Variants in AMDHD2 observed in about 807,000 individuals in gnomAD.
AMDHD2 encodes the protein N-acetylglucosamine-6-phosphate deacetylase.
Under a neutral mutation model 41.8 loss-of-function variants are expected in AMDHD2, and 24 were observed. The observed-to-expected ratio is 0.57, with a 90% CI of 0.42 to 0.81. The LOEUF (loss-of-function observed/expected upper bound fraction) is 0.81. AMDHD2 is among the 30% of genes least tolerant of loss of function. The probability of loss-of-function intolerance (pLI) is 0.00; values close to 1 mark genes in which losing one functional copy is unlikely to be tolerated. For synonymous variants in AMDHD2, 332 were observed against 255.5 expected, an observed-to-expected ratio of 1.30 and a Z score of -2.85; for missense variants, 540 against 588.5, an observed-to-expected ratio of 0.92 and a Z score of 0.85.
In AMDHD2 at chr16:2,530,280, G is replaced by A. The variant is rs750772940; in HGVS notation, c.*717G>A. ...AGGCCCAGTGCTTGCCGGCTGTGGT[G>A]ACCCTGCCTGGTGCTGGAGGGCAGT... On this transcript the variant is annotated 3_prime_UTR_variant, in exon 11 of 11. Coordinates refer to ENST00000293971, the MANE Select transcript of AMDHD2 (RefSeq NM_001330449.2). The A allele has an allele frequency of 1.2e-6, 2 of 1,613,238 alleles. No individual in the cohort carries two copies. The highest frequency in any genetic ancestry group is 2.2e-5 in the South Asian group (2 of 91,010).
At chr16:2,520,644 G>C (rs1348891703) in intron 1 of AMDHD2, 103 bp downstream of exon 1, 1 of 1,150,524 alleles carries the variant, frequency 8.7e-7, no homozygotes, top group African/African-American at 1.7e-5. Flanking sequence ...GGACAGGGCG[G>C]GGTGCAGGGT....
chr16:2,525,833 C>G (rs913934596), intron 3 of AMDHD2, among the ~76,000 whole-genome samples: 1 of 152,074 alleles, frequency 6.6e-6, no homozygotes, highest in Non-Finnish European at 1.5e-5. Flanking sequence ...CGTGAGCCAC[C>G]GCGCCTGGCC....
In AMDHD2 at chr16:2,531,158, G is replaced by C; in HGVS notation, c.*1595G>C. 3 of 1,494,080 alleles carry C rather than the reference G, an allele frequency of 2.0e-6. No homozygotes were observed. The highest frequency in any genetic ancestry group is 2.7e-6 in the Non-Finnish European group (3 of 1,114,498). The allele number at this position is 1,494,080 out of a possible 1,614,324, so 92.6% of individuals were successfully genotyped here. On this transcript the variant is annotated 3_prime_UTR_variant, in exon 11 of 11. Transcript: ENST00000293971. ...TCCAGAGCTGGTGAGCCCTGGGCCA[G>C]CCTTTGGGCCTGGCCTGCCCCATTC...
intron 9 of AMDHD2, 57 bp from the exon 10 acceptor site, chr16:2,528,936 GC>G: frequency 6.6e-6 from 10 of 1,524,726 alleles, no homozygotes; most frequent in Non-Finnish European, 8.8e-6. Flanking sequence ...GTGGTTGGGG[GC>G]TGTTGGCAAA....
chr16:2,530,732 C>T lies in AMDHD2; in HGVS notation c.*1169C>T, dbSNP rs201162958. On this transcript the variant is annotated 3_prime_UTR_variant, in exon 11 of 11. Coordinates refer to ENST00000293971, the MANE Select transcript of AMDHD2 (RefSeq NM_001330449.2). ...TTGGAAGGGAACAGCCAGGGAAGAA[C>T]CACCTGCCTGGGCAGGGCCTCGCCT... 194 of 1,613,952 alleles carry T rather than the reference C, an allele frequency of 1.2e-4. 1 individual carries two copies. The highest frequency in any genetic ancestry group is 1.6e-4 in the Non-Finnish European group (191 of 1,180,008).
chr16:2,520,386 T>C lies in AMDHD2; in HGVS notation c.-73T>C. ...CGTGGGCGCGGTCTCAGCTCTCGGC[T>C]GGGGTTCGTCACTGGGCGCGGGATT... On this transcript the variant is annotated 5_prime_UTR_variant, in exon 1 of 11. Transcript: ENST00000293971. 1 of 1,166,884 alleles carries C rather than the reference T, an allele frequency of 8.6e-7. No individual in the cohort carries two copies. Among genetic ancestry groups the C allele is most frequent in the East Asian group, 3.3e-5 (1 of 30,260 alleles). 72.3% of individuals were successfully genotyped at this position (1,166,884 alleles called of 1,614,324 possible).
chr16:2,529,744 C>T lies in AMDHD2; in HGVS notation c.*181C>T. 11 of 1,442,112 alleles carry T rather than the reference C, an allele frequency of 7.6e-6. No homozygotes were observed. The highest frequency in any genetic ancestry group is 1.0e-5 in the Non-Finnish European group (11 of 1,099,842). The allele number at this position is 1,442,112 out of a possible 1,614,324, so 89.3% of individuals were successfully genotyped here. On this transcript the variant is annotated 3_prime_UTR_variant, in exon 11 of 11. Transcript: ENST00000293971. ...GCACCCAGCAGGACTCGCCTTGGCT[C>T]CGGGTTTTGCTTGTGCTCACATGTG...
chr16:2,530,493 G>A lies in AMDHD2; in HGVS notation c.*930G>A, dbSNP rs369799167. 4 of 1,614,034 alleles carry A rather than the reference G, an allele frequency of 2.5e-6. No homozygotes were observed. The highest frequency in any genetic ancestry group is 2.5e-6 in the Non-Finnish European group (3 of 1,180,006). On this transcript the variant is annotated 3_prime_UTR_variant, in exon 11 of 11. Coordinates refer to ENST00000293971, the MANE Select transcript of AMDHD2 (RefSeq NM_001330449.2). ...AGCCACAGTGGGGTCAGACGTCAGG[G>A]ATTGGTGCAGCCCCACGTCAGGGGT... is the stretch of plus-strand genomic sequence containing the variant.
At chr16:2,522,232 T>C (rs1041427341) in intron 3 of AMDHD2, among the ~76,000 whole-genome samples, 19 of 152,166 alleles carry the variant, frequency 1.2e-4, no homozygotes, top group African/African-American at 4.6e-4. Context: ...TACAGGTGTG[T>C]GCCACCATGC....
rs1199538862 is a variant in AMDHD2, at chr16:2,529,063, G to C, written c.1109G>C (p.Ser370Thr). The change falls in exon 10 of 11, where the codon AGT becomes ACT. Residue 370 changes from serine (S) to threonine (T), a missense_variant. By Grantham distance (58) the Ser-to-Thr change is moderately conservative. Coordinates refer to ENST00000293971, the MANE Select transcript of AMDHD2 (RefSeq NM_001330449.2). ...GCCCAGTTGCTGGGGCTGGAGAAGA[G>C]TAAGGGGACCCTGGACTTTGGTGCT... ...HPAQLLGLEKSKGTLDFGADA... is the reference protein window; with the variant it reads ...HPAQLLGLEKTKGTLDFGADA... 4.4e-6 allele frequency: 7 copies of C among 1,598,006 alleles called. No homozygotes were observed. The highest frequency in any genetic ancestry group is 5.1e-6 in the Non-Finnish European group (6 of 1,173,002).
chr16:2,521,651 G>C (rs992859884), intron 3 of AMDHD2, among the ~76,000 whole-genome samples: 11 of 151,822 alleles, frequency 7.2e-5, no homozygotes, highest in Non-Finnish European at 1.5e-5. Flanking sequence ...TTTTTACTTA[G>C]GTTCTACAGG....
chr16:2,530,946 C>A lies in AMDHD2; in HGVS notation c.*1383C>A. 6.2e-7 allele frequency: 1 copy of A among 1,613,512 alleles called. No individual in the cohort carries two copies. Among genetic ancestry groups the A allele is most frequent in the African/African-American group, 1.3e-5 (1 of 75,046 alleles). On this transcript the variant is annotated 3_prime_UTR_variant, in exon 11 of 11. Coordinates refer to ENST00000293971, the MANE Select transcript of AMDHD2 (RefSeq NM_001330449.2). ...CTGTCCAGCGCCTGCCTGTGCTGGG[C>A]CTGGGAGAGGAGCTGTCTTGCCAGG...
At chr16:2,526,608 C>G (rs572152537) in intron 3 of AMDHD2, among the ~76,000 whole-genome samples, 1 of 151,810 alleles carries the variant, frequency 6.6e-6, no homozygotes, top group Non-Finnish European at 1.5e-5. Flanking sequence ...CATCTGCTAC[C>G]CCCCCAACCC....
chr16:2,530,822 G>A lies in AMDHD2; in HGVS notation c.*1259G>A, dbSNP rs1348080093. 12 of 1,613,658 alleles carry A rather than the reference G, an allele frequency of 7.4e-6. No individual in the cohort carries two copies. The highest frequency in any genetic ancestry group is 9.3e-6 in the Non-Finnish European group (11 of 1,179,998). Reference sequence around the variant, plus strand: ...GCCCACAAGCCCCAGGGGCAGCCCAGGAAAGCAGGCGACGGATGTGGATCC... The same window carrying A: ...GCCCACAAGCCCCAGGGGCAGCCCAAGAAAGCAGGCGACGGATGTGGATCC... On this transcript the variant is annotated 3_prime_UTR_variant, in exon 11 of 11. Transcript: ENST00000293971.
intron 3 of AMDHD2, among the ~76,000 whole-genome samples, chr16:2,523,024 A>C (rs973429732): frequency 3.3e-5 from 5 of 151,834 alleles, no homozygotes; most frequent in African/African-American, 9.7e-5. Flanking sequence ...TTGTATTTTT[A>C]GTAGAGACGG....
chr16:2,526,796 C>T (rs187346125), intron 3 of AMDHD2, among the ~76,000 whole-genome samples: 162 of 152,116 alleles, frequency 1.1e-3, no homozygotes, highest in Non-Finnish European at 2.1e-3. Flanking sequence ...CGAGCATGGT[C>T]GTGCACGCCT....
Position 2,527,594 on chromosome 16 carries a change from C to A in AMDHD2, c.394C>A (p.Pro132Thr). ...TCAGATCCCTGTGAAGAGTGGTGGT[C>A]CCCATGGGGCAGGGGTCCTCGGTGA... ...VPQIPVKSGG[P>T]HGAGVLGLHL... is the part of the protein sequence containing the mutation. Residue 132 changes from proline (P) to threonine (T), a missense_variant, in exon 4 of 11, where the codon CCC becomes ACC. By Grantham distance (38) the Pro-to-Thr change is conservative. Transcript: ENST00000293971. This position sits in a 1 kb window ranked among gnomAD's most constrained non-coding sequence, Gnocchi z 6.1. The A allele has an allele frequency of 3.1e-6, 5 of 1,613,170 alleles. No individual in the cohort carries two copies. Among genetic ancestry groups the A allele is most frequent in the African/African-American group, 1.3e-5 (1 of 75,012 alleles).
chr16:2,522,950 T>A (rs2141901162), intron 3 of AMDHD2, among the ~76,000 whole-genome samples: 1 of 151,714 alleles, frequency 6.6e-6, no homozygotes, highest in Middle Eastern at 3.4e-3. Flanking sequence ...TTCAAGCGAT[T>A]CTCCTGCCTC....
chr16:2,528,689 T>C lies in AMDHD2; in HGVS notation c.1010T>C (p.Val337Ala). The C allele has an allele frequency of 6.2e-7, 1 of 1,612,814 alleles. No homozygotes were observed. Among genetic ancestry groups the C allele is most frequent in the Non-Finnish European group, 8.5e-7 (1 of 1,179,950 alleles). ...AGTGGCAGCATAGCCCCAATGGACGTCTGTGTCCGGCACTTCCTGCAGGCC... is the reference window on the plus strand; with the variant it reads ...AGTGGCAGCATAGCCCCAATGGACGCCTGTGTCCGGCACTTCCTGCAGGCC... ...TLSGSIAPMD[V>A]CVRHFLQATG... The change falls in exon 9 of 11, where the codon GTC becomes GCC. Residue 337 changes from valine to alanine, a missense_variant. Transcript: ENST00000293971.
Sources: gnomAD v4.1 joint callset for allele counts (sites outside exome capture counted in the v4.1 genomes callset) on GRCh38, gnomAD v4.1.1 for gene constraint, Gnocchi (gnomAD v3.1) non-coding constraint, MANE v1.5 for transcripts, NCBI Gene and HGNC (gene_info 2026-07-23, HGNC 2026-07-21) for gene names.